The following KDM4C variants were observed in gnomAD, a reference collection of about 807,000 sequenced individuals.
KDM4C encodes lysine demethylase 4C.
Under a neutral mutation model 129.3 loss-of-function variants are expected in KDM4C, and 81 were observed. The observed-to-expected ratio is 0.63, with a 90% confidence interval of 0.52 to 0.75. The LOEUF (loss-of-function observed/expected upper bound fraction) is 0.75, where lower values mean the gene tolerates loss of function less well. KDM4C is among the 30% of genes least tolerant of loss of function. The pLI, the probability that KDM4C is intolerant of heterozygous loss-of-function variation, is 0.00. For missense variants in KDM4C, 1,457 were observed against 1,304.0 expected, an observed-to-expected ratio of 1.12 and a Z score of -1.81; for synonymous variants, 573 against 456.1, an observed-to-expected ratio of 1.26 and a Z score of -3.26.
intron 15 of KDM4C, among the ~76,000 whole-genome samples, chr9:7,028,185 G>T (rs1424434319): frequency 2.6e-5 from 4 of 151,892 alleles, no homozygotes. Context: ...CATTACCTAG[G>T]AATGTGCTGA....
rs1372705459 is a variant in KDM4C, at chr9:6,799,781, C to T, written c.145-5818C>T. Reference sequence around the variant, plus strand: ...TTTTTTTATTATTCTGGCTTATTTCCGAGGAAAAAAGTTAGTTTTTATAAC... The same window carrying T: ...TTTTTTTATTATTCTGGCTTATTTCTGAGGAAAAAAGTTAGTTTTTATAAC... On this transcript the variant is annotated intron_variant, in intron 2 of 21. Transcript: ENST00000381309. Among the ~76,000 whole-genome samples the T allele has an allele frequency of 2.7e-5, 4 of 150,620 alleles. No individual in the cohort carries two copies. In the East Asian group the frequency reaches 5.8e-4, roughly 22 times the overall value.
chr9:6,829,758 A>C (rs145588885), intron 4 of KDM4C, among the ~76,000 whole-genome samples: 1 of 152,170 alleles, frequency 6.6e-6, no homozygotes, highest in South Asian at 2.1e-4. Flanking sequence ...TCAGAAGGGC[A>C]TTTCCCCTGC....
intron 19 of KDM4C, among the ~76,000 whole-genome samples, chr9:7,138,043 A>G (rs1039303912): frequency 6.6e-6 from 1 of 152,246 alleles, no homozygotes; most frequent in Non-Finnish European, 1.5e-5. Context: ...GGTGAGAAAG[A>G]ACCAGTAATA....
At chr9:6,754,211 CTTTTTCTTTTT>C (rs1224717429), upstream of KDM4C, among the ~76,000 whole-genome samples, 7 of 150,570 alleles carry the variant, frequency 4.6e-5, no homozygotes, top group South Asian at 2.1e-4. Flanking sequence ...GTTTTCTTTT[CTTTTTCTTTTT>C]TTTTTCTGAG....
chr9:7,042,590 G>A (rs901502786), intron 15 of KDM4C, among the ~76,000 whole-genome samples: 4 of 152,046 alleles, frequency 2.6e-5, no homozygotes, highest in Non-Finnish European at 5.9e-5. Context: ...TTATGGAAAT[G>A]AGCAAATGGA....
chr9:6,886,675 G>C (rs186463236), intron 6 of KDM4C, among the ~76,000 whole-genome samples: 2 of 152,012 alleles, frequency 1.3e-5, no homozygotes, highest in Admixed American at 1.3e-4. Context: ...TGTATTTGTA[G>C]TAGAGACGGG....
Position 6,746,644 on chromosome 9 carries a change from C to T in KDM4C, c.49+25647C>T, listed in dbSNP as rs1227431082. Among the ~76,000 whole-genome samples the T allele has an allele frequency of 2.0e-5, 3 of 151,660 alleles. No individual in the cohort carries two copies. In the East Asian group the frequency reaches 5.8e-4, roughly 30 times the overall value. Reference sequence around the variant, plus strand: ...CCCGAAATCCCAGCACTTTGGGACACCAAGGTGGGAGGATCGCTTGAGCCC... The same window carrying T: ...CCCGAAATCCCAGCACTTTGGGACATCAAGGTGGGAGGATCGCTTGAGCCC... On this transcript the variant is annotated intron_variant, in intron 1 of 17. Transcript: ENST00000536108.
chr9:6,835,368 C>T (rs951421350), intron 4 of KDM4C: 17 of 1,082,760 alleles, frequency 1.6e-5, no homozygotes, highest in Admixed American at 3.4e-5. Flanking sequence ...CCACCATGTA[C>T]CCTAGCGTTG....
At chr9:6,923,360 GT>G (rs1001362455) in intron 8 of KDM4C, among the ~76,000 whole-genome samples, 7 of 150,830 alleles carry the variant, frequency 4.6e-5, no homozygotes, top group East Asian at 3.9e-4. Context: ...CCGTTTAAAT[GT>G]TTTTTTTTCC....
intron 4 of KDM4C, among the ~76,000 whole-genome samples, chr9:6,834,296 CAA>C (rs1333289949): frequency 2.0e-5 from 3 of 152,066 alleles, no homozygotes; most frequent in African/African-American, 7.2e-5. Context: ...CTTGGCCTCC[CAA>C]AGTGCTGAGA....
chr9:7,046,869 G>C lies in KDM4C; in HGVS notation c.2267G>C (p.Cys756Ser), dbSNP rs747655178. Residue 756 changes from cysteine to serine, a missense_variant, in exon 16 of 22, where the codon TGT becomes TCT. Cys to Ser is a moderately radical substitution (Grantham distance 112). Transcript: ENST00000381309. Reference sequence around the variant, plus strand: ...ATTTTCTTTTCCCCCCAGGAATGCTGTCTCTGCAATTTGAGAGGAGGTGCT... The same window carrying C: ...ATTTTCTTTTCCCCCCAGGAATGCTCTCTCTGCAATTTGAGAGGAGGTGCT... The part of the protein sequence containing the change: ...CKRNAWTAEC[C>S]LCNLRGGALK... The C allele has an allele frequency of 1.2e-6, 2 of 1,606,896 alleles. No homozygotes were observed. Among genetic ancestry groups the C allele is most frequent in the East Asian group, 2.2e-5 (1 of 44,782 alleles).
intron 19 of KDM4C, among the ~76,000 whole-genome samples, chr9:7,149,172 C>T (rs1842495359): frequency 6.6e-6 from 1 of 152,254 alleles, no homozygotes; most frequent in African/African-American, 2.4e-5. Context: ...AAAATGTCAG[C>T]CTCAGAACTA....
intron 12 of KDM4C, among the ~76,000 whole-genome samples, chr9:7,003,349 C>G (rs1296328397): frequency 1.3e-5 from 2 of 151,568 alleles, no homozygotes; most frequent in Non-Finnish European, 1.5e-5. Flanking sequence ...AGCTAATGTT[C>G]TGTAAGAAAC....
At chr9:6,912,017 T>C (rs985945039) in intron 8 of KDM4C, among the ~76,000 whole-genome samples, 1 of 152,128 alleles carries the variant, frequency 6.6e-6, no homozygotes, top group African/African-American at 2.4e-5. Context: ...CAAAACTAGA[T>C]GGTAGCCAGA....
chr9:7,163,685 C>T (rs916595815), intron 19 of KDM4C, among the ~76,000 whole-genome samples: 7 of 152,030 alleles, frequency 4.6e-5, no homozygotes, highest in Non-Finnish European at 7.4e-5. Flanking sequence ...TTCTCGGTAC[C>T]GCATAAATCT....
At position 7,114,997 on chromosome 9, in the gene KDM4C, T is replaced by A. The variant is rs368511693; in HGVS notation, c.2610+11127T>A. Among the ~76,000 whole-genome samples the A allele has an allele frequency of 4.5e-4, 69 of 152,250 alleles. 1 individual carries two copies. In the East Asian group the frequency reaches 0.012, roughly 27 times the overall value. On this transcript the variant is annotated intron_variant, in intron 18 of 21. Coordinates refer to ENST00000381309, the MANE Select transcript of KDM4C (RefSeq NM_015061.6). ...GGGAGGCTGAGGCTATAGGATCACT[T>A]GAGCCCAGGAGGTAAAGATTGCAGT...
chr9:7,119,499 T>C (rs1458066154), intron 18 of KDM4C, among the ~76,000 whole-genome samples: 1 of 152,170 alleles, frequency 6.6e-6, no homozygotes, highest in East Asian at 1.9e-4. Flanking sequence ...TTAAAAAATA[T>C]TATTTATGCT....
intron 4 of KDM4C, among the ~76,000 whole-genome samples, chr9:6,848,487 C>T (rs1201502950): frequency 4.6e-5 from 7 of 152,030 alleles, no homozygotes; most frequent in Admixed American, 3.3e-4. Context: ...GGCAACATGG[C>T]GAAACTCCTG....
chr9:6,897,586 A>G (rs534908599), intron 8 of KDM4C, among the ~76,000 whole-genome samples: 1 of 152,340 alleles, frequency 6.6e-6, no homozygotes, highest in African/African-American at 2.4e-5. Context: ...TGTTTCAGGT[A>G]GTCACATGTT....
Sources: allele counts gnomAD v4.1 joint callset (sites outside exome capture counted in the v4.1 genomes callset), GRCh38; gene constraint gnomAD v4.1.1; transcripts MANE v1.5; gene names NCBI Gene and HGNC (gene_info 2026-07-23, HGNC 2026-07-21).